NGLY1: variants seen among roughly 807,000 people sequenced by gnomAD.
NGLY1 encodes the protein N-glycanase 1.
A neutral mutation model predicts 84.6 loss-of-function variants in NGLY1; 68 were observed. That is an observed-to-expected ratio of 0.80 (90% CI 0.66 to 0.98). The LOEUF is 0.98. Among genes scored for constraint, NGLY1 ranks in the 50% least tolerant of loss-of-function variants. The pLI is 0.00. For missense variants in NGLY1, 779 were observed against 770.2 expected, an observed-to-expected ratio of 1.01 and a Z score of -0.14; for synonymous variants, 280 against 275.2, an observed-to-expected ratio of 1.02 and a Z score of -0.17.
intron 10 of NGLY1, among the ~76,000 whole-genome samples, chr3:25,725,794 G>A (rs1201590554): frequency 6.6e-6 from 1 of 152,036 alleles, no homozygotes; most frequent in Non-Finnish European, 1.5e-5. Flanking sequence ...CAAAATACTT[G>A]GAGTATGAGG....
Position 25,737,392 on chromosome 3 carries a change from A to C in NGLY1, c.945T>G (p.Cys315Trp). 6.2e-7 allele frequency: 1 copy of C among 1,614,078 alleles called. No homozygotes were observed. The highest frequency in any genetic ancestry group is 8.5e-7 in the Non-Finnish European group (1 of 1,179,996). ...RCGRCGEWAN[C>W]FTLCCRAVGF... ...CTACAGCTCGGCAGCACAGTGTAAA[A>C]CAATTGGCCCACTCGCCACACCGTC... Residue 315 changes from cysteine (C) to tryptophan (W), a missense_variant, in exon 6 of 12, where the codon TGT becomes TGG. Transcript: ENST00000280700.
chr3:25,748,315 C>T (rs1706549202), intron 4 of NGLY1, among the ~76,000 whole-genome samples: 1 of 152,088 alleles, frequency 6.6e-6, no homozygotes, highest in Non-Finnish European at 1.5e-5. Context: ...AAACGAACAC[C>T]AAGCAGGATA....
At position 25,783,306 on chromosome 3, in the gene NGLY1, A is replaced by C. The variant is rs774740384; in HGVS notation, c.85T>G (p.Leu29Val). Residue 29 changes from leucine to valine, a missense_variant, in exon 1 of 12, where the codon TTG becomes GTG. Leu to Val is a conservative substitution (Grantham distance 32, BLOSUM62 1). Coordinates refer to ENST00000280700, the MANE Select transcript of NGLY1 (RefSeq NM_018297.4). This position sits in a 1 kb window ranked among gnomAD's most constrained non-coding sequence, Gnocchi z 4.5. ...ELCQNTPETF[L>V]EASKLLLTYA... ...GTGAGCAGCAGCTTGGAGGCCTCCA[A>C]AAAGGTCTCCGGGGTGTTCTGGCAG... 1.2e-6 allele frequency: 2 copies of C among 1,607,960 alleles called. No homozygotes were observed. The highest frequency in any genetic ancestry group is 1.7e-6 in the Non-Finnish European group (2 of 1,177,768).
intron 3 of NGLY1, chr3:25,755,283 G>A: frequency 1.5e-6 from 2 of 1,365,598 alleles, no homozygotes; most frequent in Non-Finnish European, 2.1e-6. Flanking sequence ...GATAGATACT[G>A]CTTAACAGCT....
intron 3 of NGLY1, among the ~76,000 whole-genome samples, chr3:25,762,563 G>C (rs1707367930): frequency 6.6e-6 from 1 of 152,144 alleles, no homozygotes; most frequent in Non-Finnish European, 1.5e-5. Context: ...TTTGCCAACA[G>C]AATGACATTC....
chr3:25,769,904 T>C (rs1707812017), intron 2 of NGLY1, among the ~76,000 whole-genome samples: 1 of 152,178 alleles, frequency 6.6e-6, no homozygotes, highest in Non-Finnish European at 1.5e-5. Context: ...ATCACTCAAC[T>C]AAAAGTATAG....
At position 25,729,270 on chromosome 3, in the gene NGLY1, G is replaced by A. The variant is rs2125459806; in HGVS notation, c.1474C>T (p.Gln492Ter). ...IPCENEKISK[Q>*]LHLCYNIVKD... ...ACAATATTGTAACAAAGGTGGAGCT[G>A]TTTAGAAATCTTCTCATTTTCACAG... is the stretch of plus-strand genomic sequence containing the variant. The change falls in exon 10 of 12, where the codon CAG becomes TAG. Residue 492 changes from glutamine (Q) to a stop codon, truncating the protein, a stop_gained. Transcript: ENST00000280700. LOFTEE classifies it high-confidence loss of function. The A allele has an allele frequency of 1.3e-6, 2 of 1,504,308 alleles. No homozygotes were observed. The highest frequency in any genetic ancestry group is 1.8e-6 in the Non-Finnish European group (2 of 1,118,712). The allele number at this position is 1,504,308 out of a possible 1,614,324, so 93.2% of individuals were successfully genotyped here. A position where few individuals can be genotyped will look rare whatever the true frequency, so the allele number is the denominator to read the frequency against.
intron 4 of NGLY1, chr3:25,749,586 G>A (rs2125508366): frequency 2.0e-6 from 3 of 1,510,104 alleles, no homozygotes; most frequent in Non-Finnish European, 2.7e-6. Flanking sequence ...AAAATTAAGT[G>A]TAACTGGCGG....
chr3:25,768,078 A>G (rs150356233), intron 2 of NGLY1, among the ~76,000 whole-genome samples: 5,093 of 128,968 alleles, frequency 0.039, 309 homozygotes, highest in African/African-American at 0.14. Flanking sequence ...GCACCACTAC[A>G]CTCCAGGCTG....
chr3:25,731,339 C>T (rs1705526929), intron 9 of NGLY1, among the ~76,000 whole-genome samples: 1 of 151,798 alleles, frequency 6.6e-6, no homozygotes, highest in South Asian at 2.1e-4. Context: ...TGAGGATATC[C>T]AAAAGTTTAA....
At chr3:25,787,109 C>G (rs937173859), upstream of NGLY1, among the ~76,000 whole-genome samples, 1 of 152,148 alleles carries the variant, frequency 6.6e-6, no homozygotes, top group Non-Finnish European at 1.5e-5. Flanking sequence ...GTAACAAGCC[C>G]TTCAGGTGAT....
intron 7 of NGLY1, chr3:25,734,203 C>A (rs1007311889): frequency 9.4e-5 from 42 of 448,280 alleles, no homozygotes; most frequent in Middle Eastern, 1.2e-3. Flanking sequence ...GTAGCTGGGA[C>A]TATAGGCATG....
rs117763977 is a variant in NGLY1, at chr3:25,777,255, C to T, written c.246+1319G>A. Among the ~76,000 whole-genome samples the T allele has an allele frequency of 8.2e-4, 125 of 152,102 alleles. No homozygotes were observed. The East Asian group carries it at 0.024, about 29-fold the overall frequency. ...TACTAAAAATACAAAATTAGCCAGG[C>T]GTGCTGTCGTATGCCTTTAATCCCA... On this transcript the variant is annotated intron_variant, in intron 2 of 11. Transcript: ENST00000280700.
Position 25,783,115 on chromosome 3 carries a change from T to G in NGLY1, c.131+145A>C. The stretch of plus-strand genomic sequence containing the variant: ...GGCCCCTGGCCGGCGGGCTCGGACG[T>G]TAGGAGCAGAACCAGCTCCAGGTCC... On this transcript the variant is annotated intron_variant, in intron 1 of 11. Coordinates refer to ENST00000280700, the MANE Select transcript of NGLY1 (RefSeq NM_018297.4). This position sits in a 1 kb window ranked among gnomAD's most constrained non-coding sequence, Gnocchi z 4.5. 1 of 700,676 alleles carries G rather than the reference T, an allele frequency of 1.4e-6. No homozygotes were observed. The highest frequency in any genetic ancestry group is 1.9e-5 in the African/African-American group (1 of 52,186). The allele number at this position is 700,676 out of a possible 1,614,324, so 43.4% of individuals were successfully genotyped here. A position where few individuals can be genotyped will look rare whatever the true frequency, so the allele number is the denominator to read the frequency against.
At chr3:25,777,491 C>T (rs917996388) in intron 2 of NGLY1, among the ~76,000 whole-genome samples, 1 of 151,684 alleles carries the variant, frequency 6.6e-6, no homozygotes, top group African/African-American at 2.4e-5. Flanking sequence ...CCCCATGTGT[C>T]CTGGTCTCTG....
intron 10 of NGLY1, among the ~76,000 whole-genome samples, chr3:25,727,315 G>T (rs184761503): frequency 1.3e-5 from 2 of 152,274 alleles, no homozygotes; most frequent in African/African-American, 2.4e-5. Flanking sequence ...ATAGGGGTGT[G>T]TTTTCTATTT....
intron 4 of NGLY1, among the ~76,000 whole-genome samples, chr3:25,745,890 G>A (rs1237039000): frequency 6.6e-6 from 1 of 152,150 alleles, no homozygotes; most frequent in Non-Finnish European, 1.5e-5. Context: ...TGATGAATAA[G>A]GTTATGTAAC....
chr3:25,741,554 G>T (rs1203421712), intron 4 of NGLY1, among the ~76,000 whole-genome samples: 1 of 151,938 alleles, frequency 6.6e-6, no homozygotes, highest in African/African-American at 2.4e-5. Context: ...GGTTAGGAAG[G>T]TCTTAGGCAA....
chr3:25,746,892 CA>C (rs1236490466), intron 4 of NGLY1, among the ~76,000 whole-genome samples: 1 of 152,154 alleles, frequency 6.6e-6, no homozygotes, highest in Non-Finnish European at 1.5e-5. Flanking sequence ...TGCAGTGGTG[CA>C]ATCTCTACTC....
Sources: gnomAD v4.1 joint callset for allele counts (sites outside exome capture counted in the v4.1 genomes callset) on GRCh38, gnomAD v4.1.1 for gene constraint, Gnocchi (gnomAD v3.1) non-coding constraint, MANE v1.5 for transcripts, NCBI Gene and HGNC (gene_info 2026-07-23, HGNC 2026-07-21) for gene names.